The following GRM8 variants were observed in gnomAD, a reference collection of about 807,000 sequenced individuals.
GRM8 encodes metabotropic glutamate receptor 8.
A neutral mutation model predicts 87.2 loss-of-function variants in GRM8; 47 were observed. The ratio of observed to expected loss-of-function variants is 0.54; its 90% confidence interval spans 0.43 to 0.69. GRM8 has a LOEUF of 0.69. GRM8 is among the 30% of genes least tolerant of loss of function. GRM8 has a pLI of 0.00. For missense variants in GRM8, 1,019 were observed against 1,139.2 expected, an observed-to-expected ratio of 0.89 and a Z score of 1.52; for synonymous variants, 396 against 404.5, an observed-to-expected ratio of 0.98 and a Z score of 0.25.
At chr7:126,798,192 AT>A (rs1428062026) in intron 6 of GRM8, among the ~76,000 whole-genome samples, 1 of 151,848 alleles carries the variant, frequency 6.6e-6, no homozygotes, top group Non-Finnish European at 1.5e-5. Context: ...TGTAGTGTGC[AT>A]TACCTTCATA....
chr7:127,181,415 T>A (rs186828387), intron 2 of GRM8, among the ~76,000 whole-genome samples: 36 of 152,152 alleles, frequency 2.4e-4, no homozygotes, highest in Middle Eastern at 3.4e-3. Flanking sequence ...AAAATGACCA[T>A]ACTGCCAAAA....
At chr7:126,841,491 G>T (rs1222450742) in intron 6 of GRM8, among the ~76,000 whole-genome samples, 1 of 152,002 alleles carries the variant, frequency 6.6e-6, no homozygotes, top group East Asian at 1.9e-4. Context: ...AGCATCACAA[G>T]TCCCAGAATG....
chr7:126,732,101 T>A (rs1177540517), intron 7 of GRM8, among the ~76,000 whole-genome samples: 1 of 152,074 alleles, frequency 6.6e-6, no homozygotes, highest in Non-Finnish European at 1.5e-5. Flanking sequence ...TAGTAGTTAT[T>A]TCTTGTATAC....
At chr7:126,628,352 T>C (rs544853627) in intron 7 of GRM8, among the ~76,000 whole-genome samples, 1 of 152,320 alleles carries the variant, frequency 6.6e-6, no homozygotes, top group African/African-American at 2.4e-5. Context: ...GCCTAGTCCC[T>C]CTTTTCCTAT....
chr7:126,820,132 T>G (rs1050643682), intron 6 of GRM8, among the ~76,000 whole-genome samples: 1 of 152,220 alleles, frequency 6.6e-6, no homozygotes, highest in Non-Finnish European at 1.5e-5. Flanking sequence ...AACAGTGTGG[T>G]TCTATCAGTT....
chr7:126,531,195 C>T (rs896460674), intron 9 of GRM8, among the ~76,000 whole-genome samples: 19 of 152,314 alleles, frequency 1.2e-4, no homozygotes, highest in South Asian at 6.2e-4. Context: ...GTAGAGCTAA[C>T]TTAAATTCAA....
intron 8 of GRM8, among the ~76,000 whole-genome samples, chr7:126,539,272 G>A (rs1190106444): frequency 9.9e-5 from 15 of 150,812 alleles, no homozygotes; most frequent in Non-Finnish European, 1.6e-4. Context: ...AAACATCATT[G>A]AAAAAAAGTG....
chr7:126,535,119 T>C (rs1452654351), intron 8 of GRM8, among the ~76,000 whole-genome samples: 4 of 152,168 alleles, frequency 2.6e-5, no homozygotes, highest in Non-Finnish European at 5.9e-5. Context: ...TCCAAAAGAA[T>C]TACTATACTG....
chr7:127,013,568 A>C (rs1815108489), intron 3 of GRM8, among the ~76,000 whole-genome samples: 1 of 152,066 alleles, frequency 6.6e-6, no homozygotes. Flanking sequence ...AGGGATGAAG[A>C]GTTACCCTGA....
intron 5 of GRM8, among the ~76,000 whole-genome samples, chr7:126,903,357 T>G (rs995787098): frequency 6.6e-6 from 1 of 152,052 alleles, no homozygotes; most frequent in African/African-American, 2.4e-5. Flanking sequence ...TCTTTCCTGT[T>G]GCATTTATTT....
At chr7:126,952,025 A>AGAAG (rs1266677610) in intron 3 of GRM8, among the ~76,000 whole-genome samples, 4 of 151,672 alleles carry the variant, frequency 2.6e-5, no homozygotes, top group Non-Finnish European at 5.9e-5. Context: ...TTTAAAAAAA[A>AGAAG]GAAAGAAAGA....
intron 3 of GRM8, among the ~76,000 whole-genome samples, chr7:126,911,590 C>T (rs1259987334): frequency 6.6e-6 from 1 of 152,184 alleles, no homozygotes; most frequent in Non-Finnish European, 1.5e-5. Flanking sequence ...TAATGTTGGA[C>T]TCTCCTAGAA....
chr7:126,514,329 G>A (rs1811863541), intron 9 of GRM8, among the ~76,000 whole-genome samples: 1 of 152,128 alleles, frequency 6.6e-6, no homozygotes, highest in Non-Finnish European at 1.5e-5. Context: ...AAGCTGTAGT[G>A]AATGCTTAAA....
intron 7 of GRM8, among the ~76,000 whole-genome samples, chr7:126,754,086 G>T (rs1426336802): frequency 1.3e-5 from 2 of 151,750 alleles, no homozygotes; most frequent in African/African-American, 4.8e-5. Context: ...CATTAGAAAT[G>T]GATAGGCTAA....
intron 2 of GRM8, among the ~76,000 whole-genome samples, chr7:127,163,455 G>A (rs1354668286): frequency 6.6e-6 from 1 of 152,224 alleles, no homozygotes; most frequent in Non-Finnish European, 1.5e-5. Context: ...GGTTTCAGCA[G>A]CTTCTTCAAG....
At chr7:126,934,153 C>T (rs556756113) in intron 3 of GRM8, among the ~76,000 whole-genome samples, 1 of 152,114 alleles carries the variant, frequency 6.6e-6, no homozygotes, top group Non-Finnish European at 1.5e-5. Context: ...CTCAACTGTG[C>T]TATCAAGATG....
intron 3 of GRM8, among the ~76,000 whole-genome samples, chr7:126,996,115 C>G (rs1438530769): frequency 6.6e-6 from 1 of 151,994 alleles, no homozygotes; most frequent in African/African-American, 2.4e-5. Context: ...AAATATCCTT[C>G]AAGCATGAAG....
chr7:127,242,992 C>A lies in GRM8; in HGVS notation c.213G>T (p.Lys71Asn). ...GVPCGELKKE[K>N]GIHRLEAMLY... Reference sequence around the variant, plus strand: ...GCATGGCCTCCAGTCTGTGAATCCCCTTTTCCTTCTTCAGCTCCCCACAAG... The same window carrying A: ...GCATGGCCTCCAGTCTGTGAATCCCATTTTCCTTCTTCAGCTCCCCACAAG... The change falls in exon 2 of 11, where the codon AAG (lysine) becomes AAT (asparagine). Residue 71 changes from lysine (K) to asparagine (N), a missense_variant. Coordinates refer to ENST00000339582, the MANE Select transcript of GRM8 (RefSeq NM_000845.3). 1 of 1,614,146 alleles carries A rather than the reference C, an allele frequency of 6.2e-7. No homozygotes were observed. The highest frequency in any genetic ancestry group is 8.5e-7 in the Non-Finnish European group (1 of 1,180,022).
At chr7:127,159,945 A>G (rs1192858616) in intron 2 of GRM8, among the ~76,000 whole-genome samples, 2 of 152,196 alleles carry the variant, frequency 1.3e-5, no homozygotes, top group Non-Finnish European at 2.9e-5. Context: ...GGTGATTCTG[A>G]AAATTGACTT....
Sources: gnomAD v4.1 joint callset for allele counts (sites outside exome capture counted in the v4.1 genomes callset) on GRCh38, gnomAD v4.1.1 for gene constraint, MANE v1.5 for transcripts, NCBI Gene and HGNC (gene_info 2026-07-23, HGNC 2026-07-21) for gene names.